The following SLC17A4 variants were observed in gnomAD, a reference collection of about 807,000 sequenced individuals.
SLC17A4 encodes the protein probable small intestine urate exporter.
Under a neutral mutation model 52.5 loss-of-function variants are expected in SLC17A4, and 33 were observed. That is an observed-to-expected ratio of 0.63 (90% confidence interval 0.48 to 0.84). The LOEUF (loss-of-function observed/expected upper bound fraction) is 0.84, where lower values mean the gene tolerates loss of function less well. SLC17A4 is among the 40% of genes least tolerant of loss of function. The pLI is 0.00. For missense variants in SLC17A4, 585 were observed against 597.1 expected, an observed-to-expected ratio of 0.98 and a Z score of 0.21; for synonymous variants, 225 against 216.2, an observed-to-expected ratio of 1.04 and a Z score of -0.36.
intron 2 of SLC17A4, among the ~76,000 whole-genome samples, chr6:25,767,209 G>A (rs6902211): frequency 0.9 from 137,345 of 152,200 alleles, 62,168 homozygotes; most frequent in East Asian, 0.98. Flanking sequence ...GCAAAAAATA[G>A]CACATACATA....
intron 1 of SLC17A4, 47 bp from the exon 2 acceptor site, chr6:25,761,880 C>A: frequency 9.0e-7 from 1 of 1,111,902 alleles, no homozygotes; most frequent in South Asian, 1.4e-5. Flanking sequence ...GGGGTAATAT[C>A]ATATAAGATT....
In SLC17A4 at chr6:25,779,578, A is replaced by G. The variant is rs1453069474; in HGVS notation, c.*390A>G. 1 of 170,584 alleles carries G rather than the reference A, an allele frequency of 5.9e-6. No individual in the cohort carries two copies. The highest frequency in any genetic ancestry group is 1.7e-4 in the East Asian group (1 of 5,972). The allele number at this position is 170,584 out of a possible 1,614,324, so 10.6% of individuals were successfully genotyped here. A position where few individuals can be genotyped will look rare whatever the true frequency, so the allele number is the denominator to read the frequency against. On this transcript the variant is annotated 3_prime_UTR_variant, in exon 12 of 12. Coordinates refer to ENST00000377905, the MANE Select transcript of SLC17A4 (RefSeq NM_005495.3). ...TGAGCTGTCCTCAAAAGAAAGCCCCAAACAACAGAAAGCATAGTGTTTTCC... is the reference window on the plus strand; with the variant it reads ...TGAGCTGTCCTCAAAAGAAAGCCCCGAACAACAGAAAGCATAGTGTTTTCC...
rs772547396 is a variant in SLC17A4 at position 25,779,039 on chromosome 6, A to C, written c.1360-15A>C. 24 of 1,613,150 alleles carry C rather than the reference A, an allele frequency of 1.5e-5. No homozygotes were observed. Among genetic ancestry groups the C allele is most frequent in the Non-Finnish European group, 8.5e-6 (10 of 1,179,510 alleles). On this transcript the variant is annotated splice_polypyrimidine_tract_variant and intron_variant, in intron 11 of 11. Coordinates refer to ENST00000377905, the MANE Select transcript of SLC17A4 (RefSeq NM_005495.3). ...ATTGGGTGACCGTTAATAACTTGTA[A>C]TTTTCTGCCTCCAGGATTCAGAGTT...
intron 3 of SLC17A4, among the ~76,000 whole-genome samples, chr6:25,769,648 G>A (rs968636522): frequency 6.6e-6 from 1 of 152,086 alleles, no homozygotes; most frequent in African/African-American, 2.4e-5. Flanking sequence ...TAGTGCATAT[G>A]AGTGTAACCA....
At chr6:25,773,431 C>T (rs1176346162) in intron 7 of SLC17A4, 38 bp downstream of exon 7, 2 of 1,611,546 alleles carry the variant, frequency 1.2e-6, no homozygotes, top group Non-Finnish European at 1.7e-6. Flanking sequence ...CTCTATGTCC[C>T]TCTAGACGTC....
chr6:25,775,038 A>C (rs535704474), intron 8 of SLC17A4, among the ~76,000 whole-genome samples: 1 of 152,302 alleles, frequency 6.6e-6, no homozygotes, highest in Middle Eastern at 3.4e-3. Flanking sequence ...CTATATTGAA[A>C]CATAGAGTGG....
chr6:25,772,738 A>C (rs1439071821), intron 6 of SLC17A4, among the ~76,000 whole-genome samples: 2 of 152,192 alleles, frequency 1.3e-5, no homozygotes, highest in East Asian at 3.8e-4. Flanking sequence ...GAACTCTGCA[A>C]AGCATGACTA....
At chr6:25,759,723 A>C (rs753486034) in intron 1 of SLC17A4, among the ~76,000 whole-genome samples, 16 of 152,226 alleles carry the variant, frequency 1.1e-4, no homozygotes, top group Non-Finnish European at 2.2e-4. Context: ...ATTTGCATGG[A>C]ATATCTAGTC....
intron 8 of SLC17A4, among the ~76,000 whole-genome samples, chr6:25,775,450 T>G (rs1035013448): frequency 1.3e-5 from 2 of 152,210 alleles, no homozygotes. Flanking sequence ...TCTTTCTTTC[T>G]TTTGAGACAA....
intron 2 of SLC17A4, among the ~76,000 whole-genome samples, chr6:25,768,668 A>G (rs894290885): frequency 1.3e-5 from 2 of 151,986 alleles, no homozygotes; most frequent in African/African-American, 2.4e-5. Context: ...CTCCCAGCCA[A>G]TTCTTTCTCT....
At position 25,776,882 on chromosome 6, in the gene SLC17A4, C is replaced by T. The variant is rs910138857; in HGVS notation, c.1191C>T (p.Thr397=). ...WVRSSHSMTM[T]FLVLSSAISS... is the part of the protein sequence containing the mutation. ...GATCCAGCCACAGCATGACCATGAC[C>T]TTCTTGGTGCTGTCTTCTGCCATCA... Residue 397 remains threonine (T), a synonymous_variant, in exon 10 of 12, where the codon ACC becomes ACT. Transcript: ENST00000377905. The T allele has an allele frequency of 6.8e-6, 11 of 1,613,828 alleles. No individual in the cohort carries two copies. Among genetic ancestry groups the T allele is most frequent in the Admixed American group, 5.0e-5 (3 of 59,962 alleles).
Position 25,780,503 on chromosome 6 carries a change from A to G in SLC17A4, c.*1315A>G, listed in dbSNP as rs1466432123. Reference sequence around the variant, plus strand: ...ATATTTTAGGAAGAAAGAACAGCATAAGCAAAAGTTTCATGGCAGGAGGGA... The same window carrying G: ...ATATTTTAGGAAGAAAGAACAGCATGAGCAAAAGTTTCATGGCAGGAGGGA... On this transcript the variant is annotated 3_prime_UTR_variant, in exon 12 of 12. Coordinates refer to ENST00000377905, the MANE Select transcript of SLC17A4 (RefSeq NM_005495.3). 6.6e-6 allele frequency: 1 copy of G among 152,196 alleles called. No individual in the cohort carries two copies. Among genetic ancestry groups the G allele is most frequent in the Non-Finnish European group, 1.5e-5 (1 of 68,058 alleles). 9.4% of individuals were successfully genotyped at this position (152,196 alleles called of 1,614,324 possible).
At chr6:25,766,577 G>A (rs767939681) in intron 2 of SLC17A4, among the ~76,000 whole-genome samples, 5 of 152,078 alleles carry the variant, frequency 3.3e-5, no homozygotes, top group Non-Finnish European at 7.4e-5. Context: ...CTCAAGCCAG[G>A]GCACCAAGAT....
At position 25,779,307 on chromosome 6, in the gene SLC17A4, G is replaced by T; in HGVS notation, c.*119G>T. On this transcript the variant is annotated 3_prime_UTR_variant, in exon 12 of 12. Coordinates refer to ENST00000377905, the MANE Select transcript of SLC17A4 (RefSeq NM_005495.3). Reference sequence around the variant, plus strand: ...ATTAGCTAGACCCTGACTATGTAACGCTAAAGATTTTACCATGCCTGGAAA... The same window carrying T: ...ATTAGCTAGACCCTGACTATGTAACTCTAAAGATTTTACCATGCCTGGAAA... 1 of 1,389,622 alleles carries T rather than the reference G, an allele frequency of 7.2e-7. No homozygotes were observed. The highest frequency in any genetic ancestry group is 9.7e-7 in the Non-Finnish European group (1 of 1,028,156). The allele number at this position is 1,389,622 out of a possible 1,614,324, so 86.1% of individuals were successfully genotyped here. A position where few individuals can be genotyped will look rare whatever the true frequency, so the allele number is the denominator to read the frequency against.
At chr6:25,766,130 A>G (rs1370914924) in intron 2 of SLC17A4, among the ~76,000 whole-genome samples, 1 of 150,532 alleles carries the variant, frequency 6.6e-6, no homozygotes, top group African/African-American at 2.4e-5. Flanking sequence ...TATTTAAAAT[A>G]TAATTGAATT....
chr6:25,771,578 GA>G (rs66832906), intron 6 of SLC17A4, among the ~76,000 whole-genome samples: 108,355 of 148,824 alleles, frequency 0.73, 43,274 homozygotes, highest in East Asian at 0.94. Context: ...TGTCTCAAGA[GA>G]AAAAAAAAAA....
rs1763226525 is a variant in SLC17A4, at chr6:25,780,101, A to C, written c.*913A>C. The C allele has an allele frequency of 6.6e-6, 1 of 152,072 alleles. No homozygotes were observed. Among genetic ancestry groups the C allele is most frequent in the South Asian group, 2.1e-4 (1 of 4,828 alleles). 9.4% of individuals were successfully genotyped at this position (152,072 alleles called of 1,614,324 possible). A position where few individuals can be genotyped will look rare whatever the true frequency, so the allele number is the denominator to read the frequency against. ...GTAAGACACACACTGCCCTAACCTC[A>C]CTCCAAATGTCTGGAGAAATGTGTG... On this transcript the variant is annotated 3_prime_UTR_variant, in exon 12 of 12. Transcript: ENST00000377905.
At position 25,776,737 on chromosome 6, in the gene SLC17A4, A is replaced by G. The variant is rs1561813922; in HGVS notation, c.1120+10A>G. ...CTCTTCACTGCCATTGGTAAGGGAG[A>G]GACTGGACACAGGGGTGAACGTGGG... On this transcript the variant is annotated intron_variant, in intron 9 of 11. Coordinates refer to ENST00000377905, the MANE Select transcript of SLC17A4 (RefSeq NM_005495.3). 6.8e-6 allele frequency: 11 copies of G among 1,613,936 alleles called. No homozygotes were observed. Among genetic ancestry groups the G allele is most frequent in the Non-Finnish European group, 8.5e-6 (10 of 1,179,904 alleles).
In SLC17A4 at chr6:25,773,349, A is replaced by C. The variant is rs1381062085; in HGVS notation, c.781A>C (p.Ser261Arg). 6.2e-7 allele frequency: 1 copy of C among 1,613,934 alleles called. No homozygotes were observed. Among genetic ancestry groups the C allele is most frequent in the Non-Finnish European group, 8.5e-7 (1 of 1,179,890 alleles). The change falls in exon 7 of 12, where the codon AGT (serine) becomes CGT (arginine). Residue 261 changes from serine to arginine, a missense_variant. Coordinates refer to ENST00000377905, the MANE Select transcript of SLC17A4 (RefSeq NM_005495.3). ...YDDPVNHPFI[S>R]AGEKRYIVCS... ...TGATCCTGTGAATCATCCCTTTATCAGTGCTGGTGAGAAGAGATACATTGT... is the reference window on the plus strand; with the variant it reads ...TGATCCTGTGAATCATCCCTTTATCCGTGCTGGTGAGAAGAGATACATTGT...
Sources: allele counts gnomAD v4.1 joint callset (sites outside exome capture counted in the v4.1 genomes callset), GRCh38; gene constraint gnomAD v4.1.1; transcripts MANE v1.5; gene names NCBI Gene and HGNC (gene_info 2026-07-23, HGNC 2026-07-21).